The following PIAS3 variants were observed in gnomAD, a reference collection of about 807,000 sequenced individuals.
The protein encoded by PIAS3 is E3 SUMO-protein ligase PIAS3.
Under a neutral mutation model 67.6 loss-of-function variants are expected in PIAS3, and 34 were observed. That is an observed-to-expected ratio of 0.50 (90% CI 0.38 to 0.67). PIAS3 has a LOEUF of 0.67. PIAS3 is among the 30% of genes least tolerant of loss of function. The probability of loss-of-function intolerance (pLI) is 0.00; values close to 1 mark genes in which losing one functional copy is unlikely to be tolerated. For synonymous variants in PIAS3, 341 were observed against 313.8 expected, an observed-to-expected ratio of 1.09 and a Z score of -0.92; for missense variants, 693 against 791.6, an observed-to-expected ratio of 0.88 and a Z score of 1.49.
chr1:145,850,729 C>T (rs1217665168), intron 11 of PIAS3, 42 bp downstream of exon 11: 2 of 1,609,336 alleles, frequency 1.2e-6, no homozygotes, highest in African/African-American at 2.7e-5. Flanking sequence ...CTGACTTCTT[C>T]CCCTGTCCGT....
chr1:145,850,853 AT>A lies in PIAS3; in HGVS notation c.1365del (p.Ser456GlnfsTer30). 6.2e-7 allele frequency: 1 copy of A among 1,614,160 alleles called. No homozygotes were observed. Among genetic ancestry groups the A allele is most frequent in the East Asian group, 2.2e-5 (1 of 44,886 alleles). On this transcript the variant is annotated frameshift_variant, in exon 11 of 14. Coordinates refer to ENST00000393045, the MANE Select transcript of PIAS3 (RefSeq NM_006099.3). LOFTEE classifies it high-confidence loss of function. ...VEVIDLTIES[S>X]SDEEDLPPTK... ...GTAGGGGGCAGATCCTCCTCATCTG[AT>A]GAGCTTTCTATTGTCAAGTCAATAA...
Position 145,850,787 on chromosome 1 carries a change from G to GCAAA in PIAS3, c.1431_1432insTTTG (p.Leu478PhefsTer39). 1 of 1,614,174 alleles carries GCAAA rather than the reference G, an allele frequency of 6.2e-7. No homozygotes were observed. The highest frequency in any genetic ancestry group is 1.7e-5 in the Admixed American group (1 of 60,018). On this transcript the variant is annotated frameshift_variant, in exon 11 of 14. Transcript: ENST00000393045. LOFTEE classifies it high-confidence loss of function. ...TTCTCATACCCTTTGCTTCCAGGTA[G>GCAAA]GGCCGGGATGGCAGCTGAGGTGACA... is the stretch of plus-strand genomic sequence containing the variant.
Position 145,849,298 on chromosome 1 carries a change from G to A in PIAS3, c.*148C>T. 1 of 685,242 alleles carries A rather than the reference G, an allele frequency of 1.5e-6. No individual in the cohort carries two copies. The allele number at this position is 685,242 out of a possible 1,614,324, so 42.4% of individuals were successfully genotyped here. A position where few individuals can be genotyped will look rare whatever the true frequency, so the allele number is the denominator to read the frequency against. On this transcript the variant is annotated 3_prime_UTR_variant, in exon 14 of 14. Coordinates refer to ENST00000393045, the MANE Select transcript of PIAS3 (RefSeq NM_006099.3). ...ACCCTTTGGGTGCTGGCCTTGTCAGGCAGAGATGAGGCCAAAAGTAGGCAT... is the reference window on the plus strand; with the variant it reads ...ACCCTTTGGGTGCTGGCCTTGTCAGACAGAGATGAGGCCAAAAGTAGGCAT...
chr1:145,852,984 C>A (rs974056695), intron 9 of PIAS3, among the ~76,000 whole-genome samples: 3 of 152,054 alleles, frequency 2.0e-5, no homozygotes, highest in Non-Finnish European at 4.4e-5. Context: ...TCCCCCTCCA[C>A]ACACATGCAC....
chr1:145,853,424 G>GAAAAGA (rs200720835), intron 9 of PIAS3, 80 bp downstream of exon 9: 33,627 of 985,682 alleles, frequency 0.034, 536 homozygotes, highest in Non-Finnish European at 0.04. Flanking sequence ...AAAAAAAAAA[G>GAAAAGA]AAAAGAAAAA....
chr1:145,856,521 A>G, intron 2 of PIAS3, 68 bp downstream of exon 2: 3 of 1,594,990 alleles, frequency 1.9e-6, no homozygotes, highest in Non-Finnish European at 2.6e-6. Context: ...CCATAGGACT[A>G]AAGCCTAAGA....
intron 11 of PIAS3, 72 bp from the exon 12 acceptor site, chr1:145,850,658 C>T (rs782404497): frequency 1.0e-5 from 16 of 1,596,218 alleles, no homozygotes; most frequent in East Asian, 9.0e-5. Context: ...CCCCAGGTTC[C>T]CTCTCTGTCC....
chr1:145,850,543 G>C lies in PIAS3; in HGVS notation c.1492C>G (p.Pro498Ala), dbSNP rs781937935. The change falls in exon 12 of 14, where the codon CCT (proline) becomes GCT (alanine). Residue 498 changes from proline (P) to alanine (A), a missense_variant. This residue lies in a region of PIAS3 where 270 missense variants were observed against 261.0 expected (regional missense o/e 1.03). Transcript: ENST00000393045. ...GHQPSSVLRS[P>A]AMGTLGGDFL... ...TCCCCACCCAACGTGCCCATAGCAG[G>C]GCTCCTTAGCACCGAGGATGGCTGG... 1.2e-6 allele frequency: 2 copies of C among 1,614,104 alleles called. No homozygotes were observed. The highest frequency in any genetic ancestry group is 2.2e-5 in the South Asian group (2 of 91,088).
chr1:145,850,620 A>T (rs781856227), intron 11 of PIAS3, 34 bp from the exon 12 acceptor site: 3 of 1,609,086 alleles, frequency 1.9e-6, no homozygotes, highest in Non-Finnish European at 2.6e-6. Flanking sequence ...CAGCCAGCAA[A>T]CCACAGATGC....
In PIAS3 at chr1:145,855,475, C is replaced by A. The variant is rs1653129686; in HGVS notation, c.669+261G>T. On this transcript the variant is annotated intron_variant, in intron 5 of 13. Transcript: ENST00000393045. ...CCAGCCTGAGTGACAGAGCGAGTGACTCTGTCTCAAAAAAAAAAAACAAAA... is the reference window on the plus strand; with the variant it reads ...CCAGCCTGAGTGACAGAGCGAGTGAATCTGTCTCAAAAAAAAAAAACAAAA... Among the ~76,000 whole-genome samples, 2 of 148,762 alleles carry A rather than the reference C, an allele frequency of 1.3e-5. 1 individual carries two copies. The highest frequency in any genetic ancestry group is 4.4e-4 in the South Asian group (2 of 4,532).
At chr1:145,852,999 A>C (rs1462709348) in intron 9 of PIAS3, among the ~76,000 whole-genome samples, 2 of 150,176 alleles carry the variant, frequency 1.3e-5, no homozygotes, top group African/African-American at 4.9e-5. Context: ...ATGCACATAC[A>C]CACACACACA....
At chr1:145,850,302 C>T (rs1264607329) in intron 12 of PIAS3, 33 bp from the exon 13 acceptor site, 1 of 1,614,072 alleles carries the variant, frequency 6.2e-7, no homozygotes, top group East Asian at 2.2e-5. Flanking sequence ...AATTAACCTC[C>T]TATCTGACCC....
In PIAS3 at chr1:145,856,975, A is replaced by C; in HGVS notation, c.56T>G (p.Leu19Arg). Residue 19 changes from leucine (L) to arginine (R), a missense_variant, in exon 2 of 14, where the codon CTC becomes CGC. Coordinates refer to ENST00000393045, the MANE Select transcript of PIAS3 (RefSeq NM_006099.3). The stretch of plus-strand genomic sequence containing the variant: ...GCCAGCAAAGCCAAGAAGCACCTGG[A>C]GCTCAGACACCCGGAAACTCATCAC... ...HMVMSFRVSE[L>R]QVLLGFAGRN... is the part of the protein sequence containing the mutation. 1 of 1,614,130 alleles carries C rather than the reference A, an allele frequency of 6.2e-7. No homozygotes were observed. Among genetic ancestry groups the C allele is most frequent in the Non-Finnish European group, 8.5e-7 (1 of 1,180,004 alleles).
In PIAS3 at chr1:145,856,933, C is replaced by T. The variant is rs201917196; in HGVS notation, c.98G>A (p.Arg33Gln). ...LGFAGRNKSGRKHELLAKALH... is the reference protein window; with the variant it reads ...LGFAGRNKSGQKHELLAKALH... Reference sequence around the variant, plus strand: ...AGCCTTGGCCAGGAGCTCGTGCTTCCGTCCACTCTTGTTCCGGCCAGCAAA... The same window carrying T: ...AGCCTTGGCCAGGAGCTCGTGCTTCTGTCCACTCTTGTTCCGGCCAGCAAA... The change falls in exon 2 of 14, where the codon CGG becomes CAG. Residue 33 changes from arginine (R) to glutamine (Q), a missense_variant. Physicochemically the swap from Arg to Gln is conservative, Grantham distance 43. This residue lies in a region of PIAS3 where 308 missense variants were observed against 348.8 expected (regional missense o/e 0.88). Coordinates refer to ENST00000393045, the MANE Select transcript of PIAS3 (RefSeq NM_006099.3). The T allele has an allele frequency of 3.2e-5, 51 of 1,614,008 alleles. No individual in the cohort carries two copies. The highest frequency in any genetic ancestry group is 3.5e-5 in the Non-Finnish European group (41 of 1,180,006).
At chr1:145,858,703 C>T (rs1215252273) in intron 1 of PIAS3, among the ~76,000 whole-genome samples, 1 of 150,322 alleles carries the variant, frequency 6.7e-6, no homozygotes, top group East Asian at 2.0e-4. Context: ...CGACTTCTAC[C>T]CCTCGTCCCC....
chr1:145,856,529 AGAAATGTTTGGG>A (rs1553735661), intron 2 of PIAS3, 48 bp downstream of exon 2: 16 of 1,597,240 alleles, frequency 1.0e-5, no homozygotes, highest in Non-Finnish European at 1.4e-5. Context: ...CTAAAGCCTA[AGAAATGTTTGGG>A]GAACAGGTAG....
chr1:145,848,559 T>C lies in PIAS3; in HGVS notation c.*887A>G. The C allele has an allele frequency of 1.0e-6, 1 of 980,562 alleles. No homozygotes were observed. The highest frequency in any genetic ancestry group is 1.6e-6 in the Non-Finnish European group (1 of 634,920). The allele number at this position is 980,562 out of a possible 1,614,324, so 60.7% of individuals were successfully genotyped here. A position where few individuals can be genotyped will look rare whatever the true frequency, so the allele number is the denominator to read the frequency against. Reference sequence around the variant, plus strand: ...CCTTTATTATGGGTGAGAGCTTCACTACAACTTTAGAAATAAAAAGTAAAA... The same window carrying C: ...CCTTTATTATGGGTGAGAGCTTCACCACAACTTTAGAAATAAAAAGTAAAA... On this transcript the variant is annotated 3_prime_UTR_variant, in exon 14 of 14. Transcript: ENST00000393045.
Position 145,851,071 on chromosome 1 carries a change from G to C in PIAS3, c.1228C>G (p.Pro410Ala). The C allele has an allele frequency of 6.2e-7, 1 of 1,614,154 alleles. No individual in the cohort carries two copies. The highest frequency in any genetic ancestry group is 1.3e-5 in the African/African-American group (1 of 75,024). Residue 410 changes from proline to alanine, a missense_variant, in exon 10 of 14, where the codon CCC becomes GCC. Transcript: ENST00000393045. ...CAAACCTCAGATGCCTCCTTCTTGGGTTTCATTGGGCACCAGGATCCATCT... is the reference window on the plus strand; with the variant it reads ...CAAACCTCAGATGCCTCCTTCTTGGCTTTCATTGGGCACCAGGATCCATCT... ...MEDGSWCPMK[P>A]KKEASEVCPP...
At chr1:145,858,087 C>A (rs1167416318) in intron 1 of PIAS3, among the ~76,000 whole-genome samples, 1 of 152,052 alleles carries the variant, frequency 6.6e-6, no homozygotes, top group South Asian at 2.1e-4. Flanking sequence ...ATGTGGTCAC[C>A]CTCCAAACTC....
Sources: allele counts gnomAD v4.1 joint callset (sites outside exome capture counted in the v4.1 genomes callset), GRCh38; gene constraint gnomAD v4.1.1; regional missense constraint gnomAD v4.1.1; transcripts MANE v1.5; gene names NCBI Gene and HGNC (gene_info 2026-07-23, HGNC 2026-07-21).